Variants in NCEH1 observed in about 807,000 individuals in gnomAD.
NCEH1 encodes neutral cholesterol ester hydrolase 1, also known as 2-acetyl MAGE hydrolase.
A neutral mutation model predicts 25.4 loss-of-function variants in NCEH1; 9 were observed. The observed-to-expected ratio is 0.35, with a 90% CI of 0.21 to 0.62. NCEH1 has a LOEUF of 0.62. Ranked by LOEUF, NCEH1 falls within the 20% of genes least tolerant of loss-of-function variation. The pLI, the probability that NCEH1 is intolerant of heterozygous loss-of-function variation, is 0.72. For synonymous variants in NCEH1, 200 were observed against 199.8 expected (o/e 1.00, Z -0.01); for missense variants, 412 against 501.1 (o/e 0.82, Z 1.70).
At chr3:172,641,416 C>T (rs1716846559) in intron 3 of NCEH1, among the ~76,000 whole-genome samples, 1 of 152,150 alleles carries the variant, frequency 6.6e-6, no homozygotes. Context: ...TGACATGAAT[C>T]ATGGAGTCCC....
chr3:172,706,052 C>T (rs1404957664), intron 1 of NCEH1, among the ~76,000 whole-genome samples: 1 of 150,138 alleles, frequency 6.7e-6, no homozygotes, highest in South Asian at 2.1e-4. Context: ...TGTTTGCAGG[C>T]TCTGGGAATC....
chr3:172,655,493 A>T (rs1185925963), intron 1 of NCEH1, among the ~76,000 whole-genome samples: 3 of 152,180 alleles, frequency 2.0e-5, no homozygotes, highest in African/African-American at 7.2e-5. Context: ...CCCCTTTGAT[A>T]CATGATCAGA....
At chr3:172,703,187 G>A (rs1173467100) in intron 1 of NCEH1, 1 of 152,096 alleles carries the variant, frequency 6.6e-6, no homozygotes. Flanking sequence ...GCATGCCCCT[G>A]CAGAAGGATG....
rs1560186579 is a variant in NCEH1, at chr3:172,653,761, T to TTTG, written c.139-5648_139-5647insCAA. Reference sequence around the variant, plus strand: ...TTTTTTTTGTTTTTTTGTTTTTTTGTTTTTTTTTTTTTTTGAGACAGAGTC... The same window carrying TTTG: ...TTTTTTTTGTTTTTTTGTTTTTTTGTTTGTTTTTTTTTTTTTTGAGACAGAGTC... On this transcript the variant is annotated intron_variant, in intron 1 of 4. Coordinates refer to ENST00000475381, the MANE Select transcript of NCEH1 (RefSeq NM_020792.6). Among the ~76,000 whole-genome samples, 215 of 65,224 alleles carry TTTG rather than the reference T, an allele frequency of 3.3e-3. 5 individuals carry two copies. Among genetic ancestry groups the TTTG allele is most frequent in the African/African-American group, 0.012 (211 of 18,254 alleles). 42.8% of individuals were successfully genotyped at this position (65,224 alleles called of 152,430 possible).
At chr3:172,637,626 G>C (rs2108488992) in intron 3 of NCEH1, among the ~76,000 whole-genome samples, 1 of 151,750 alleles carries the variant, frequency 6.6e-6, no homozygotes, top group South Asian at 2.1e-4. Context: ...CGGTGGCTTA[G>C]GTCTGTAATC....
rs1288335817 is a variant in NCEH1 at position 172,630,279 on chromosome 3, AC to A, written c.*3195del. Reference sequence around the variant, plus strand: ...TGTGAAATTAGATTTATTTGTAATGACAAGGTCAGTTTGAGAACCTGCCTTC... The same window carrying A: ...TGTGAAATTAGATTTATTTGTAATGAAAGGTCAGTTTGAGAACCTGCCTTC... On this transcript the variant is annotated 3_prime_UTR_variant, in exon 5 of 5. Coordinates refer to ENST00000475381, the MANE Select transcript of NCEH1 (RefSeq NM_020792.6). 1 of 152,260 alleles carries A rather than the reference AC, an allele frequency of 6.6e-6. No individual in the cohort carries two copies. Among genetic ancestry groups the A allele is most frequent in the African/African-American group, 2.4e-5 (1 of 41,468 alleles). 9.4% of individuals were successfully genotyped at this position (152,260 alleles called of 1,614,324 possible). A position where few individuals can be genotyped will look rare whatever the true frequency, so the allele number is the denominator to read the frequency against.
intron 3 of NCEH1, among the ~76,000 whole-genome samples, chr3:172,638,572 T>C (rs561670456): frequency 6.6e-6 from 1 of 151,854 alleles, no homozygotes; most frequent in South Asian, 2.1e-4. Flanking sequence ...ATTTTTAATC[T>C]TCAGTATTAC....
chr3:172,684,061 T>G (rs1712555800), intron 1 of NCEH1, among the ~76,000 whole-genome samples: 1 of 152,208 alleles, frequency 6.6e-6, no homozygotes. Flanking sequence ...TAAAAATGAA[T>G]GAGGGAGTGA....
At chr3:172,644,752 G>GCAATAAATGATTCA (rs1717036990) in intron 3 of NCEH1, among the ~76,000 whole-genome samples, 1 of 152,176 alleles carries the variant, frequency 6.6e-6, no homozygotes, top group Non-Finnish European at 1.5e-5. Flanking sequence ...GATGTTTCCA[G>GCAATAAATGATTCA]GCACTAATGA....
At position 172,659,146 on chromosome 3, in the gene NCEH1, T is replaced by C. The variant is rs12634021; in HGVS notation, c.139-11032A>G. Among the ~76,000 whole-genome samples the C allele has an allele frequency of 2.0e-3, 304 of 152,052 alleles. 3 individuals are homozygous for C. In the East Asian group the frequency reaches 0.039, roughly 19 times the overall value. On this transcript the variant is annotated intron_variant, in intron 1 of 4. Coordinates refer to ENST00000475381, the MANE Select transcript of NCEH1 (RefSeq NM_020792.6). ...ATCACCCTCTATTGCCATTCATGAGTGTAGGAGTTTGGTCAGGGTGGTGGG... is the reference window on the plus strand; with the variant it reads ...ATCACCCTCTATTGCCATTCATGAGCGTAGGAGTTTGGTCAGGGTGGTGGG...
chr3:172,702,646 A>C (rs1358844711), intron 1 of NCEH1, among the ~76,000 whole-genome samples: 2 of 152,206 alleles, frequency 1.3e-5, no homozygotes, highest in Non-Finnish European at 2.9e-5. Context: ...ACAATATGAC[A>C]CACCTTAGAT....
chr3:172,711,047 C>T lies in NCEH1; in HGVS notation c.-63G>A. 1.2e-6 allele frequency: 2 copies of T among 1,610,330 alleles called. No homozygotes were observed. The highest frequency in any genetic ancestry group is 1.7e-6 in the Non-Finnish European group (2 of 1,177,240). ...GGAAAGGGCGATACCACCCGGAGAC[C>T]TCCGGCAACTTTCTGCCCGCGGCAG... On this transcript the variant is annotated 5_prime_UTR_variant, in exon 1 of 5. Coordinates refer to ENST00000475381, the MANE Select transcript of NCEH1 (RefSeq NM_020792.6).
intron 1 of NCEH1, among the ~76,000 whole-genome samples, chr3:172,670,662 C>G (rs1711556677): frequency 6.6e-6 from 1 of 152,130 alleles, no homozygotes; most frequent in Admixed American, 6.5e-5. Flanking sequence ...GGCAGTAACT[C>G]TAAATTCTAG....
Position 172,633,949 on chromosome 3 carries a change from A to G in NCEH1, c.753T>C (p.Tyr251=). 1.2e-6 allele frequency: 2 copies of G among 1,614,186 alleles called. No homozygotes were observed. Among genetic ancestry groups the G allele is most frequent in the Non-Finnish European group, 1.7e-6 (2 of 1,180,020 alleles). Residue 251 remains tyrosine (Y), a synonymous_variant, in exon 5 of 5, where the codon TAT becomes TAC. Coordinates refer to ENST00000475381, the MANE Select transcript of NCEH1 (RefSeq NM_020792.6). ...AGTTGCCTTTGAAGTAGTCCACCCA[A>G]TACTTCACCATGACATAGCGGGGCA... ...PILPRYVMVK[Y]WVDYFKGNYD... is the part of the protein sequence containing the mutation.
At position 172,645,710 on chromosome 3, in the gene NCEH1, A is replaced by T; in HGVS notation, c.368-18T>A. On this transcript the variant is annotated intron_variant, in intron 2 of 4. Coordinates refer to ENST00000475381, the MANE Select transcript of NCEH1 (RefSeq NM_020792.6). The stretch of plus-strand genomic sequence containing the variant: ...CCTGATTTCTAAAAGACACAAAGGG[A>T]ACAATCATTACAAAACAGGTCATTT... 6.6e-7 allele frequency: 1 copy of T among 1,523,180 alleles called. No homozygotes were observed. 94.4% of individuals were successfully genotyped at this position (1,523,180 alleles called of 1,614,324 possible).
At chr3:172,672,311 C>CT (rs1475148689) in intron 1 of NCEH1, among the ~76,000 whole-genome samples, 2 of 152,214 alleles carry the variant, frequency 1.3e-5, no homozygotes, top group Non-Finnish European at 2.9e-5. Context: ...GGTGATCTGC[C>CT]TGCCTTAGCC....
intron 1 of NCEH1, among the ~76,000 whole-genome samples, chr3:172,704,877 T>C (rs1475811090): frequency 2.6e-5 from 4 of 152,338 alleles, no homozygotes; most frequent in African/African-American, 9.6e-5. Context: ...TTAATAGCTA[T>C]ATATTAACAT....
intron 1 of NCEH1, among the ~76,000 whole-genome samples, chr3:172,683,225 A>G (rs544226523): frequency 3.6e-4 from 31 of 85,320 alleles, no homozygotes; most frequent in Middle Eastern, 5.0e-3. Context: ...AAAACGGTGA[A>G]ACCCCGTCTC....
chr3:172,647,205 G>A (rs138241024), intron 2 of NCEH1, among the ~76,000 whole-genome samples: 1 of 152,150 alleles, frequency 6.6e-6, no homozygotes, highest in South Asian at 2.1e-4. Context: ...TGAAGATGAG[G>A]AAGTAGCTCC....
Sources: gnomAD v4.1 joint callset for allele counts (sites outside exome capture counted in the v4.1 genomes callset) on GRCh38, gnomAD v4.1.1 for gene constraint, MANE v1.5 for transcripts, NCBI Gene and HGNC (gene_info 2026-07-23, HGNC 2026-07-21) for gene names.